The following EIF3D variants were observed in gnomAD, a reference collection of about 807,000 sequenced individuals.
The protein encoded by EIF3D is eukaryotic translation initiation factor 3 subunit D.
A neutral mutation model predicts 75.4 loss-of-function variants in EIF3D; 10 were observed. The ratio of observed to expected loss-of-function variants is 0.13; its 90% confidence interval spans 0.08 to 0.22. EIF3D has a LOEUF of 0.22. EIF3D is among the 10% of genes least tolerant of loss of function. The pLI, the probability that EIF3D is intolerant of heterozygous loss-of-function variation, is 1.00. For synonymous variants in EIF3D, 246 were observed against 248.3 expected (o/e 0.99, Z 0.09); for missense variants, 394 against 708.0 (o/e 0.56, Z 5.03).
At position 36,520,267 on chromosome 22, in the gene EIF3D, G is replaced by C. The variant is rs1404030816; in HGVS notation, c.578+309C>G. On this transcript the variant is annotated intron_variant, in intron 7 of 14. Coordinates refer to ENST00000216190, the MANE Select transcript of EIF3D (RefSeq NM_003753.4). The stretch of plus-strand genomic sequence containing the variant: ...CACCTCCAGGGTTTAAGTGATTCTC[G>C]TGCCTCAGCCTCCTGAGTAGCTGGG... Among the ~76,000 whole-genome samples, 5 of 151,644 alleles carry C rather than the reference G, an allele frequency of 3.3e-5. No individual in the cohort carries two copies. In the East Asian group the frequency reaches 9.7e-4, roughly 29 times the overall value.
chr22:36,512,714 G>C, intron 12 of EIF3D, 112 bp from the exon 13 acceptor site: 4 of 1,239,694 alleles, frequency 3.2e-6, no homozygotes, highest in Non-Finnish European at 4.4e-6. Flanking sequence ...AAAGTGGGTA[G>C]GTACGCACTA....
rs1203003228 is a variant in EIF3D at position 36,523,913 on chromosome 22, C to T, written c.374G>A (p.Ser125Asn). The T allele has an allele frequency of 4.3e-6, 7 of 1,614,110 alleles. No individual in the cohort carries two copies. Among genetic ancestry groups the T allele is most frequent in the Non-Finnish European group, 5.9e-6 (7 of 1,180,014 alleles). Residue 125 changes from serine (S) to asparagine (N), a missense_variant, in exon 5 of 15, where the codon AGT (serine) becomes AAT (asparagine). Coordinates refer to ENST00000216190, the MANE Select transcript of EIF3D (RefSeq NM_003753.4). ...LQFNLQILPKSAKQKERERIR... is the reference protein window; with the variant it reads ...LQFNLQILPKNAKQKERERIR... ...ATCTCACCTCTCTTTCTGTTTGGCACTCTTAGGCAGGATCTGCAGGTTGAA... is the reference window on the plus strand; with the variant it reads ...ATCTCACCTCTCTTTCTGTTTGGCATTCTTAGGCAGGATCTGCAGGTTGAA...
intron 6 of EIF3D, among the ~76,000 whole-genome samples, chr22:36,522,281 C>A (rs1354758977): frequency 6.6e-6 from 1 of 152,050 alleles, no homozygotes; most frequent in Non-Finnish European, 1.5e-5. Flanking sequence ...TTGAACCCAG[C>A]AGGCAGAGGT....
chr22:36,511,305 C>T (rs1257799895), intron 14 of EIF3D, 198 bp downstream of exon 14: 10 of 1,130,820 alleles, frequency 8.8e-6, no homozygotes, highest in East Asian at 4.9e-5. Flanking sequence ...TCTAAAACAC[C>T]GCTATCCTCC....
Position 36,511,627 on chromosome 22 carries a change from C to G in EIF3D, c.1509G>C (p.Glu503Asp). Reference protein sequence around the residue: ...CVIDICMKLEEGKYLILKDPN... With the variant: ...CVIDICMKLEDGKYLILKDPN... ...GGTCCTTGAGGATGAGGTATTTGCC[C>G]TCCTCCAGCTTCATGCAGATGTCAA... The change falls in exon 14 of 15, where the codon GAG (glutamate) becomes GAC (aspartate). Residue 503 changes from glutamate (E) to aspartate (D), a missense_variant. By Grantham distance (45) the Glu-to-Asp change is conservative (BLOSUM62 2). Coordinates refer to ENST00000216190, the MANE Select transcript of EIF3D (RefSeq NM_003753.4). 6.2e-7 allele frequency: 1 copy of G among 1,614,110 alleles called. No homozygotes were observed. The highest frequency in any genetic ancestry group is 8.5e-7 in the Non-Finnish European group (1 of 1,180,026).
chr22:36,515,703 CAGCAAAGACGACATGCAA>C (rs1934412949), intron 12 of EIF3D, among the ~76,000 whole-genome samples: 1 of 152,046 alleles, frequency 6.6e-6, no homozygotes, highest in Non-Finnish European at 1.5e-5. Context: ...GGAGGGGAGC[CAGCAAAGACGACATGCAA>C]ACGGAACAGG....
At chr22:36,528,982 T>C (rs1431166391) in intron 1 of EIF3D, 94 bp downstream of exon 1, 1 of 296,922 alleles carries the variant, frequency 3.4e-6, no homozygotes. Context: ...AGGAAGGGAC[T>C]AAGAGAGGTC....
At chr22:36,524,790 A>G in intron 3 of EIF3D, 58 bp from the exon 4 acceptor site, 2 of 1,610,486 alleles carry the variant, frequency 1.2e-6, no homozygotes, top group Non-Finnish European at 1.7e-6. Context: ...CCAGATATGC[A>G]CCAGTCTAAA....
intron 1 of EIF3D, among the ~76,000 whole-genome samples, chr22:36,526,662 C>T (rs1934608281): frequency 6.6e-6 from 1 of 150,648 alleles, no homozygotes; most frequent in African/African-American, 2.5e-5. Context: ...TGCTGGGGTG[C>T]AGTGGCGTGC....
rs759574862 is a variant in EIF3D, at chr22:36,516,658, G to A, written c.1076+47C>T. The A allele has an allele frequency of 2.5e-6, 4 of 1,613,938 alleles. No individual in the cohort carries two copies. In the African/African-American group the frequency reaches 5.3e-5, roughly 22 times the overall value. The stretch of plus-strand genomic sequence containing the variant: ...GTCACTGGGGATTCTATAGAGTGGG[G>A]CCCGTGCTCCAGTCTGGCCACAATA... On this transcript the variant is annotated intron_variant, in intron 11 of 14. Transcript: ENST00000216190.
At chr22:36,513,324 C>T (rs191279454) in intron 12 of EIF3D, among the ~76,000 whole-genome samples, 33 of 150,702 alleles carry the variant, frequency 2.2e-4, no homozygotes, top group East Asian at 1.6e-3. Flanking sequence ...TTTTTTGAGA[C>T]GGAGTTTTGC....
Position 36,511,794 on chromosome 22 carries a change from G to T in EIF3D, c.1350-8C>A. On this transcript the variant is annotated splice_polypyrimidine_tract_variant and splice_region_variant and intron_variant, in intron 13 of 14. Transcript: ENST00000216190. The stretch of plus-strand genomic sequence containing the variant: ...TGGTACCGAGACACATAACTAACAG[G>T]GGAAGGGATATCAGTGGTCAGAGCA... 1 of 1,610,676 alleles carries T rather than the reference G, an allele frequency of 6.2e-7. No individual in the cohort carries two copies. Among genetic ancestry groups the T allele is most frequent in the Non-Finnish European group, 8.5e-7 (1 of 1,177,622 alleles).
chr22:36,519,006 A>C (rs1472271854), intron 8 of EIF3D, 96 bp from the exon 9 acceptor site: 3 of 1,481,922 alleles, frequency 2.0e-6, no homozygotes, highest in Middle Eastern at 2.4e-4. Context: ...TGACCACATA[A>C]ATCCTTAATA....
chr22:36,520,925 AC>A (rs1276131711), intron 6 of EIF3D, among the ~76,000 whole-genome samples: 1 of 152,062 alleles, frequency 6.6e-6, no homozygotes, highest in African/African-American at 2.4e-5. Context: ...TCAAACAACA[AC>A]CACATAAAAC....
intron 10 of EIF3D, 111 bp from the exon 11 acceptor site, chr22:36,516,901 GC>G (rs1934436733): frequency 2.0e-6 from 2 of 980,304 alleles, no homozygotes; most frequent in African/African-American, 3.2e-5. Flanking sequence ...GGTTCCTGGG[GC>G]CCTTGATGGG....
rs953496028 is a variant in EIF3D, at chr22:36,519,022, G to A, written c.712-112C>T. On this transcript the variant is annotated intron_variant, in intron 8 of 14. Coordinates refer to ENST00000216190, the MANE Select transcript of EIF3D (RefSeq NM_003753.4). ...GACCACATAAATCCTTAATAAGGAG[G>A]CCCCACCTCATTGACCAAAAACACT... 5.7e-6 allele frequency: 8 copies of A among 1,401,750 alleles called. No individual in the cohort carries two copies. The African/African-American group carries it at 1.0e-4, about 18-fold the overall frequency. 86.8% of individuals were successfully genotyped at this position (1,401,750 alleles called of 1,614,324 possible).
At chr22:36,519,670 A>C in intron 7 of EIF3D, 133 bp from the exon 8 acceptor site, 1 of 1,248,588 alleles carries the variant, frequency 8.0e-7, no homozygotes, top group Admixed American at 2.4e-5. Flanking sequence ...AGAGCAGGAG[A>C]GACGAATCCT....
At chr22:36,514,597 GATGGAGGGGGCCATGTGACAAGGA>G (rs1236561623) in intron 12 of EIF3D, among the ~76,000 whole-genome samples, 1 of 152,172 alleles carries the variant, frequency 6.6e-6, no homozygotes, top group Non-Finnish European at 1.5e-5. Context: ...CTATCTTGGA[GATGGAGGGGGCCATGTGACAAGGA>G]ATGCAGGTGG....
chr22:36,511,871 T>C (rs1603498258), intron 13 of EIF3D, 85 bp from the exon 14 acceptor site: 2 of 1,519,518 alleles, frequency 1.3e-6, no homozygotes. Context: ...TAAATGGTGA[T>C]ACCTGGTCCA....
Sources: gnomAD v4.1 joint callset for allele counts (sites outside exome capture counted in the v4.1 genomes callset) on GRCh38, gnomAD v4.1.1 for gene constraint, MANE v1.5 for transcripts, NCBI Gene and HGNC (gene_info 2026-07-23, HGNC 2026-07-21) for gene names.